Variants in KLF15 observed in about 807,000 individuals in gnomAD.
KLF15 encodes the protein Krueppel-like factor 15.
In KLF15, 4 loss-of-function variants were observed where a neutral mutation model predicts 24.6. The observed-to-expected ratio is 0.16, with a 90% CI of 0.08 to 0.37. The LOEUF is 0.37. Among genes scored for constraint, KLF15 ranks in the 10% least tolerant of loss-of-function variants. KLF15 has a pLI of 1.00. For missense variants in KLF15, 496 were observed against 560.6 expected, an observed-to-expected ratio of 0.88 and a Z score of 1.16; for synonymous variants, 246 against 236.3, an observed-to-expected ratio of 1.04 and a Z score of -0.37.
the KLF15 span, among the ~76,000 whole-genome samples, chr3:126,298,228 G>A: frequency 6.7e-6 from 1 of 149,774 alleles, no homozygotes; most frequent in Non-Finnish European, 1.5e-5. Context: ...TCATATGTTT[G>A]TTGGTTGTTT....
chr3:126,352,685 G>C lies in KLF15; in HGVS notation c.238C>G (p.Leu80Val). ...CTGCCCAGCGTGGCCTGGGACAATA[G>C]GAAGTCCAAGATGCTGTCCTGGCTC... ...TESQDSILDF[L>V]LSQATLGSGG... is the part of the protein sequence containing the mutation. Residue 80 changes from leucine (L) to valine (V), a missense_variant, in exon 2 of 3, where the codon CTA (leucine) becomes GTA (valine). By Grantham distance (32) the Leu-to-Val change is conservative. Transcript: ENST00000296233. The C allele has an allele frequency of 6.3e-7, 1 of 1,595,222 alleles. No homozygotes were observed. The highest frequency in any genetic ancestry group is 1.1e-5 in the South Asian group (1 of 88,882).
chr3:126,309,340 G>A, the KLF15 span, among the ~76,000 whole-genome samples: 36 of 152,216 alleles, frequency 2.4e-4, no homozygotes, highest in Non-Finnish European at 3.7e-4. Flanking sequence ...CACAATGCGT[G>A]CATCCTGGAG....
the KLF15 span, among the ~76,000 whole-genome samples, chr3:126,311,731 C>T: frequency 3.3e-5 from 5 of 152,208 alleles, no homozygotes; most frequent in Admixed American, 6.5e-5. Context: ...CTGGACAAGG[C>T]AAGAATGACA....
chr3:126,335,462 A>AC, the KLF15 span, among the ~76,000 whole-genome samples: 1 of 147,312 alleles, frequency 6.8e-6, no homozygotes, highest in Non-Finnish European at 1.5e-5. Context: ...CCCACAGCCA[A>AC]TATCATACTG....
rs887891554 is a variant in KLF15 at position 126,355,035 on chromosome 3, G to A, written c.-25-2088C>T. Among the ~76,000 whole-genome samples, 8 of 152,264 alleles carry A rather than the reference G, an allele frequency of 5.3e-5. No individual in the cohort carries two copies. The South Asian group carries it at 8.3e-4, about 16-fold the overall frequency. On this transcript the variant is annotated intron_variant, in intron 1 of 2. Transcript: ENST00000296233. Reference sequence around the variant, plus strand: ...GCCATTGGTGTCAGCCTGCAGGCACGGCAAACGTTCGGCCTCTGCCCCTCT... The same window carrying A: ...GCCATTGGTGTCAGCCTGCAGGCACAGCAAACGTTCGGCCTCTGCCCCTCT...
At chr3:126,336,867 C>T in the KLF15 span, among the ~76,000 whole-genome samples, 1 of 46,662 alleles carries the variant, frequency 2.1e-5, no homozygotes, top group Non-Finnish European at 3.8e-5. Context: ...AAATCAAAAC[C>T]ACTATGAGAT....
At chr3:126,355,520 G>A (rs781048352) in intron 1 of KLF15, among the ~76,000 whole-genome samples, 1 of 151,858 alleles carries the variant, frequency 6.6e-6, no homozygotes, top group Non-Finnish European at 1.5e-5. Context: ...AGTCACCCCT[G>A]TGGGGGCCTC....
At chr3:126,349,544 C>T (rs2082565732) in intron 2 of KLF15, among the ~76,000 whole-genome samples, 1 of 152,232 alleles carries the variant, frequency 6.6e-6, no homozygotes, top group African/African-American at 2.4e-5. Flanking sequence ...CCTGAGGCCA[C>T]TGTATAGAGA....
At chr3:126,331,509 G>A in the KLF15 span, among the ~76,000 whole-genome samples, 1 of 152,140 alleles carries the variant, frequency 6.6e-6, no homozygotes, top group African/African-American at 2.4e-5. Context: ...CAACCCTTTT[G>A]TAAGGGAATG....
In KLF15 at chr3:126,343,530, G is replaced by C. The variant is rs2082500283; in HGVS notation, c.*197C>G. 1 of 556,290 alleles carries C rather than the reference G, an allele frequency of 1.8e-6. No homozygotes were observed. The highest frequency in any genetic ancestry group is 3.1e-6 in the Non-Finnish European group (1 of 324,828). 34.5% of individuals were successfully genotyped at this position (556,290 alleles called of 1,614,324 possible). On this transcript the variant is annotated 3_prime_UTR_variant, in exon 3 of 3. Coordinates refer to ENST00000296233, the MANE Select transcript of KLF15 (RefSeq NM_014079.4). ...CGTGCGCCTGGGGCCCAGCCCCCAG[G>C]GACGCGGGTTCGAGGCTCTAAGTAC...
the KLF15 span, among the ~76,000 whole-genome samples, chr3:126,302,716 AC>A: frequency 6.6e-6 from 1 of 152,150 alleles, no homozygotes; most frequent in Non-Finnish European, 1.5e-5. Flanking sequence ...AATAGCTACT[AC>A]ATATTTCTTT....
the KLF15 span, among the ~76,000 whole-genome samples, chr3:126,326,886 TTAA>T: frequency 6.6e-6 from 1 of 152,246 alleles, no homozygotes; most frequent in Non-Finnish European, 1.5e-5. Context: ...TTAACTATAA[TTAA>T]TAAATAAATT....
At chr3:126,351,726 C>CA in intron 2 of KLF15, 115 bp downstream of exon 2, 1 of 892,886 alleles carries the variant, frequency 1.1e-6, no homozygotes, top group Non-Finnish European at 1.6e-6. Flanking sequence ...CTGCCCCTCC[C>CA]TCCCCTCCCT....
At position 126,352,326 on chromosome 3, in the gene KLF15, G is replaced by A. The variant is rs1469641234; in HGVS notation, c.597C>T (p.Ala199=). 2.5e-6 allele frequency: 4 copies of A among 1,574,304 alleles called. No individual in the cohort carries two copies. The African/African-American group carries it at 5.4e-5, about 21-fold the overall frequency. The change falls in exon 2 of 3, where the codon GCC becomes GCT. Residue 199 remains alanine (A), a synonymous_variant. Transcript: ENST00000296233. ...RERCSPPPGG[A]SAGGAQGPGG... The stretch of plus-strand genomic sequence containing the variant: ...CTGGGCCCTGGGCACCTCCTGCACT[G>A]GCACCACCTGGTGGAGGGGAACAGC...
the KLF15 span, among the ~76,000 whole-genome samples, chr3:126,323,449 ATATATATATATAACATATATATGT>A: frequency 1.0e-3 from 101 of 96,274 alleles, 4 homozygotes; most frequent in East Asian, 9.2e-3. Context: ...TATATATGTT[ATATATATATATAACATATATATGT>A]TATATATATA....
chr3:126,294,198 G>A, the KLF15 span, among the ~76,000 whole-genome samples: 1 of 152,202 alleles, frequency 6.6e-6, no homozygotes, highest in Non-Finnish European at 1.5e-5. Context: ...GTGGGTGTGG[G>A]CTGTTAGTGT....
Position 126,343,850 on chromosome 3 carries a change from T to G in KLF15, c.1128A>C (p.Ser376=). 5 of 1,606,162 alleles carry G rather than the reference T, an allele frequency of 3.1e-6. No homozygotes were observed. The highest frequency in any genetic ancestry group is 4.2e-6 in the Non-Finnish European group (5 of 1,177,684). Residue 376 remains serine (S), a synonymous_variant, in exon 3 of 3, where the codon TCA becomes TCC. Transcript: ENST00000296233. ...CAGGACACTGGTACGGCTTCACACC[T>G]GAGTGCGAGCGCCTGTGCCGCGACA... The part of the protein sequence containing the change: ...DELSRHRRSH[S]GVKPYQCPVC...
At chr3:126,351,711 C>T (rs2082582920) in intron 2 of KLF15, 130 bp downstream of exon 2, 3 of 1,087,864 alleles carry the variant, frequency 2.8e-6, no homozygotes, top group Non-Finnish European at 3.9e-6. Flanking sequence ...TGGGCCTGCA[C>T]CCGCCTGCCC....
chr3:126,304,256 G>A, the KLF15 span, among the ~76,000 whole-genome samples: 86 of 152,140 alleles, frequency 5.7e-4, 1 homozygote, highest in East Asian at 5.8e-4. Context: ...ATCATCTTTC[G>A]GATTTGTTAT....
Sources: allele counts gnomAD v4.1 joint callset (sites outside exome capture counted in the v4.1 genomes callset), GRCh38; gene constraint gnomAD v4.1.1; transcripts MANE v1.5; gene names NCBI Gene and HGNC (gene_info 2026-07-23, HGNC 2026-07-21).